The following SPOCK1 variants were observed in gnomAD, a reference collection of about 807,000 sequenced individuals.
The protein encoded by SPOCK1 is testican-1.
In SPOCK1, 23 loss-of-function variants were observed where a neutral mutation model predicts 55.3. The observed-to-expected ratio is 0.42, with a 90% CI of 0.30 to 0.59. SPOCK1 has a LOEUF of 0.59. Ranked by LOEUF, SPOCK1 falls within the 20% of genes least tolerant of loss-of-function variation. The pLI, the probability that SPOCK1 is intolerant of heterozygous loss-of-function variation, is 0.22. For synonymous variants in SPOCK1, 226 were observed against 221.0 expected (o/e 1.02, Z -0.20); for missense variants, 499 against 552.5 (o/e 0.90, Z 0.97).
At chr5:137,193,382 G>A (rs1255274155) in intron 3 of SPOCK1, among the ~76,000 whole-genome samples, 2 of 152,172 alleles carry the variant, frequency 1.3e-5, no homozygotes, top group Non-Finnish European at 2.9e-5. Flanking sequence ...TGGAAGGGGA[G>A]AAGGAATTTT....
intron 2 of SPOCK1, among the ~76,000 whole-genome samples, chr5:137,465,225 G>T (rs994578848): frequency 3.9e-5 from 6 of 152,132 alleles, no homozygotes; most frequent in Non-Finnish European, 5.9e-5. Context: ...GGTTGTTGAA[G>T]AGACTACCAA....
At chr5:137,392,439 T>C (rs1433138590) in intron 2 of SPOCK1, among the ~76,000 whole-genome samples, 1 of 152,214 alleles carries the variant, frequency 6.6e-6, no homozygotes, top group East Asian at 1.9e-4. Flanking sequence ...TGTCCCTCTT[T>C]TCTTCCATCG....
chr5:137,169,209 A>G lies in SPOCK1; in HGVS notation c.233-28515T>C, dbSNP rs150339139. ...GAAAGTGTTGTGAGGGGTTGGGGGG[A>G]AGTGGGGATGGTAAATAGGCACAAA... On this transcript the variant is annotated intron_variant, in intron 3 of 10. Transcript: ENST00000394945. 9.9e-4 allele frequency among the ~76,000 whole-genome samples: 151 copies of G among 152,204 alleles called. 4 individuals carry two copies. The Middle Eastern group carries it at 0.024, about 24-fold the overall frequency.
At chr5:137,055,861 C>T (rs1052608163) in intron 6 of SPOCK1, among the ~76,000 whole-genome samples, 4 of 152,146 alleles carry the variant, frequency 2.6e-5, no homozygotes, top group Non-Finnish European at 4.4e-5. Flanking sequence ...AAACGCACAG[C>T]AGTTACCTGT....
intron 2 of SPOCK1, among the ~76,000 whole-genome samples, chr5:137,399,914 A>G (rs1751938545): frequency 6.6e-6 from 1 of 152,206 alleles, no homozygotes; most frequent in Non-Finnish European, 1.5e-5. Context: ...TTGTGGGAAT[A>G]AAGAAACCAC....
At chr5:137,367,839 T>C (rs1350918321) in intron 2 of SPOCK1, among the ~76,000 whole-genome samples, 1 of 152,230 alleles carries the variant, frequency 6.6e-6, no homozygotes, top group Admixed American at 6.5e-5. Flanking sequence ...TGGGCATCCC[T>C]GCCCCCAAAG....
intron 3 of SPOCK1, among the ~76,000 whole-genome samples, chr5:137,148,196 G>A (rs1754242124): frequency 1.3e-5 from 2 of 152,102 alleles, no homozygotes; most frequent in Non-Finnish European, 2.9e-5. Context: ...GGGTGATCTT[G>A]GCATGTGTCT....
chr5:137,399,627 C>G (rs1229037633), intron 2 of SPOCK1, among the ~76,000 whole-genome samples: 1 of 152,096 alleles, frequency 6.6e-6, no homozygotes, highest in African/African-American at 2.4e-5. Flanking sequence ...ATGGGTGAAC[C>G]CCAAAGACCA....
chr5:137,167,374 T>C (rs563150148), intron 3 of SPOCK1, among the ~76,000 whole-genome samples: 2 of 152,072 alleles, frequency 1.3e-5, no homozygotes, highest in Admixed American at 6.5e-5. Flanking sequence ...AGCTGGGGAC[T>C]TCAACACCCC....
intron 2 of SPOCK1, among the ~76,000 whole-genome samples, chr5:137,316,741 AT>A (rs2127144904): frequency 6.6e-6 from 1 of 152,330 alleles, no homozygotes; most frequent in Admixed American, 6.5e-5. Flanking sequence ...TATTTCATTC[AT>A]GCCCAAGACA....
At chr5:137,236,641 T>G (rs964163116) in intron 3 of SPOCK1, among the ~76,000 whole-genome samples, 1 of 152,144 alleles carries the variant, frequency 6.6e-6, no homozygotes, top group African/African-American at 2.4e-5. Flanking sequence ...GGTATAGAGA[T>G]GTAGACTGGG....
At chr5:137,171,052 A>G (rs1241833926) in intron 3 of SPOCK1, among the ~76,000 whole-genome samples, 1 of 152,114 alleles carries the variant, frequency 6.6e-6, no homozygotes, top group Admixed American at 6.5e-5. Flanking sequence ...AGGGGTTCCC[A>G]GTGGGGACAG....
At chr5:137,282,262 TGAG>T (rs1446268771) in intron 2 of SPOCK1, among the ~76,000 whole-genome samples, 33 of 152,368 alleles carry the variant, frequency 2.2e-4, no homozygotes, top group African/African-American at 7.0e-4. Flanking sequence ...ATTCTGACTC[TGAG>T]GAGATTTTTA....
intron 3 of SPOCK1, among the ~76,000 whole-genome samples, chr5:137,209,106 T>C (rs1164022482): frequency 1.3e-5 from 2 of 152,184 alleles, no homozygotes; most frequent in Non-Finnish European, 2.9e-5. Flanking sequence ...AAGAACACAC[T>C]CAACAAATGT....
intron 3 of SPOCK1, among the ~76,000 whole-genome samples, chr5:137,228,257 C>A (rs1041088686): frequency 6.6e-6 from 1 of 152,344 alleles, no homozygotes; most frequent in Non-Finnish European, 1.5e-5. Context: ...ACAGGGCAAG[C>A]CTTAACCATC....
chr5:136,994,274 A>C (rs1159542621), intron 6 of SPOCK1, among the ~76,000 whole-genome samples: 1 of 152,170 alleles, frequency 6.6e-6, no homozygotes, highest in Non-Finnish European at 1.5e-5. Context: ...TGTATTTTAA[A>C]ACACCAGCCA....
chr5:137,396,152 C>A (rs1326343390), intron 2 of SPOCK1, among the ~76,000 whole-genome samples: 2 of 152,144 alleles, frequency 1.3e-5, no homozygotes, highest in African/African-American at 4.8e-5. Context: ...GGGTTCCTCA[C>A]TGAAATTCAG....
intron 2 of SPOCK1, among the ~76,000 whole-genome samples, chr5:137,271,400 TAA>T (rs1395026968): frequency 6.7e-6 from 1 of 148,794 alleles, no homozygotes; most frequent in African/African-American, 2.4e-5. Context: ...TATATATTAT[TAA>T]AGATATATTT....
chr5:137,402,612 G>A (rs1171922524), intron 2 of SPOCK1, among the ~76,000 whole-genome samples: 3 of 152,106 alleles, frequency 2.0e-5, no homozygotes, highest in Non-Finnish European at 2.9e-5. Context: ...AGCAGCCCCC[G>A]GGGGTTAGAC....
Sources: allele counts gnomAD v4.1 joint callset (sites outside exome capture counted in the v4.1 genomes callset), GRCh38; gene constraint gnomAD v4.1.1; transcripts MANE v1.5; gene names NCBI Gene and HGNC (gene_info 2026-07-23, HGNC 2026-07-21).